Variants in ENTREP2 observed in about 807,000 individuals in gnomAD.
ENTREP2 encodes the protein protein ENTREP2.
At chr15:29,211,833 TG>T in the ENTREP2 span, among the ~76,000 whole-genome samples, 1 of 151,722 alleles carries the variant, frequency 6.6e-6, no homozygotes, top group Non-Finnish European at 1.5e-5. Flanking sequence ...GAAACCCACT[TG>T]GTCATGGTGG....
At chr15:29,668,721 G>A in the ENTREP2 span, among the ~76,000 whole-genome samples, 2 of 152,108 alleles carry the variant, frequency 1.3e-5, no homozygotes, top group Non-Finnish European at 2.9e-5. Flanking sequence ...CCTCCCTCCT[G>A]CCCCAAAGCA....
the ENTREP2 span, among the ~76,000 whole-genome samples, chr15:29,276,971 G>A: frequency 6.6e-6 from 1 of 152,208 alleles, no homozygotes; most frequent in Non-Finnish European, 1.5e-5. Flanking sequence ...TGTGGTTGGG[G>A]AATGTGCTCA....
chr15:29,657,475 TGGGGGGGCGG>T, the ENTREP2 span, among the ~76,000 whole-genome samples: 3 of 3,804 alleles, frequency 7.9e-4, no homozygotes, highest in South Asian at 0.024. Flanking sequence ...CGCTGTCGGC[TGGGGGGGCGG>T]GGGGGGGGGG....
the ENTREP2 span, among the ~76,000 whole-genome samples, chr15:29,628,563 C>T: frequency 2.1e-4 from 32 of 152,188 alleles, no homozygotes; most frequent in South Asian, 5.4e-3. Context: ...TCATCTGTAT[C>T]TTTGCTGATT....
At chr15:29,326,159 A>G in the ENTREP2 span, among the ~76,000 whole-genome samples, 1 of 152,196 alleles carries the variant, frequency 6.6e-6, no homozygotes, top group Non-Finnish European at 1.5e-5. Context: ...TTTCCCCCAA[A>G]AAAGAACAAG....
At chr15:29,387,549 G>T in the ENTREP2 span, among the ~76,000 whole-genome samples, 1 of 152,160 alleles carries the variant, frequency 6.6e-6, no homozygotes, top group Admixed American at 6.5e-5. Context: ...AATGCCGAAG[G>T]TAATTTATAG....
chr15:29,232,493 T>A, the ENTREP2 span, among the ~76,000 whole-genome samples: 2 of 146,340 alleles, frequency 1.4e-5, no homozygotes, highest in Non-Finnish European at 3.0e-5. Flanking sequence ...AGATGGGGGG[T>A]CTCATTTTTT....
chr15:29,623,144 A>G, the ENTREP2 span, among the ~76,000 whole-genome samples: 1 of 152,168 alleles, frequency 6.6e-6, no homozygotes, highest in Admixed American at 6.5e-5. Context: ...CTGAAACACA[A>G]TAAAAAGAGT....
chr15:29,193,340 A>G, the ENTREP2 span, among the ~76,000 whole-genome samples: 1 of 152,180 alleles, frequency 6.6e-6, no homozygotes, highest in Non-Finnish European at 1.5e-5. Context: ...CCTGGATAGA[A>G]CAAAAAGGCA....
chr15:29,202,261 T>C, the ENTREP2 span, among the ~76,000 whole-genome samples: 1 of 152,190 alleles, frequency 6.6e-6, no homozygotes, highest in Non-Finnish European at 1.5e-5. Flanking sequence ...TCCATTTCAT[T>C]GATTTCTGCT....
chr15:29,289,866 T>C, the ENTREP2 span, among the ~76,000 whole-genome samples: 1 of 152,096 alleles, frequency 6.6e-6, no homozygotes. Flanking sequence ...TATATACATA[T>C]ATAAGTGAAA....
At chr15:29,493,696 C>A in the ENTREP2 span, among the ~76,000 whole-genome samples, 2 of 152,068 alleles carry the variant, frequency 1.3e-5, no homozygotes, top group African/African-American at 4.8e-5. Context: ...GCATTCCTGG[C>A]TAGGCATGGT....
the ENTREP2 span, among the ~76,000 whole-genome samples, chr15:29,545,902 T>C: frequency 1.3e-5 from 2 of 152,242 alleles, no homozygotes. Flanking sequence ...TCATTGACTA[T>C]GCTTAGCTGA....
the ENTREP2 span, among the ~76,000 whole-genome samples, chr15:29,384,187 C>T: frequency 6.6e-6 from 1 of 152,176 alleles, no homozygotes; most frequent in Non-Finnish European, 1.5e-5. Flanking sequence ...CCCGCCGGAG[C>T]TCTCACCATC....
chr15:29,633,818 G>A, the ENTREP2 span, among the ~76,000 whole-genome samples: 4 of 152,252 alleles, frequency 2.6e-5, no homozygotes, highest in East Asian at 7.7e-4. Flanking sequence ...AATTCACTGG[G>A]CGTGGTGACG....
At chr15:29,454,741 C>T in the ENTREP2 span, among the ~76,000 whole-genome samples, 1 of 152,140 alleles carries the variant, frequency 6.6e-6, no homozygotes, top group African/African-American at 2.4e-5. Flanking sequence ...CCCCAGTGGT[C>T]CCTGGAGATG....
the ENTREP2 span, among the ~76,000 whole-genome samples, chr15:29,340,643 T>C: frequency 6.6e-6 from 1 of 152,202 alleles, no homozygotes. Context: ...AACTTTTTAT[T>C]TTAACAGAAA....
chr15:29,448,038 C>T, the ENTREP2 span, among the ~76,000 whole-genome samples: 1 of 152,034 alleles, frequency 6.6e-6, no homozygotes, highest in African/African-American at 2.4e-5. Flanking sequence ...TCTAGCACTG[C>T]ACTCTAGCCT....
the ENTREP2 span, among the ~76,000 whole-genome samples, chr15:29,132,609 C>T: frequency 6.6e-6 from 1 of 152,246 alleles, no homozygotes; most frequent in Non-Finnish European, 1.5e-5. Context: ...AGAGAATTCC[C>T]CAGAGTTCTG....
Sources: gnomAD v4.1 joint callset for allele counts (sites outside exome capture counted in the v4.1 genomes callset) on GRCh38, gnomAD v4.1.1 for gene constraint, MANE v1.5 for transcripts, NCBI Gene and HGNC (gene_info 2026-07-23, HGNC 2026-07-21) for gene names.